Variants in GNAI3 observed in about 807,000 individuals in gnomAD.
The protein encoded by GNAI3 is guanine nucleotide-binding protein G(i) subunit alpha-3.
Under a neutral mutation model 41.8 loss-of-function variants are expected in GNAI3, and 12 were observed. The ratio of observed to expected loss-of-function variants is 0.29; its 90% CI spans 0.18 to 0.47. The LOEUF (loss-of-function observed/expected upper bound fraction) is 0.47, where lower values mean the gene tolerates loss of function less well. Among genes scored for constraint, GNAI3 ranks in the 20% least tolerant of loss-of-function variants. The pLI, the probability that GNAI3 is intolerant of heterozygous loss-of-function variation, is 1.00. For synonymous variants in GNAI3, 132 were observed against 146.5 expected, an observed-to-expected ratio of 0.90 and a Z score of 0.71; for missense variants, 360 against 429.6, an observed-to-expected ratio of 0.84 and a Z score of 1.43.
intron 1 of GNAI3, among the ~76,000 whole-genome samples, chr1:109,572,171 G>A (rs1293995698): frequency 6.6e-6 from 1 of 151,876 alleles, no homozygotes; most frequent in Non-Finnish European, 1.5e-5. Flanking sequence ...TCAGCTGGGT[G>A]TTGTGGCAGG....
intron 1 of GNAI3, among the ~76,000 whole-genome samples, chr1:109,555,162 C>T (rs1461708084): frequency 3.9e-5 from 6 of 152,116 alleles, no homozygotes; most frequent in Non-Finnish European, 8.8e-5. Context: ...CATCATTCTT[C>T]ACAGAACTAG....
At chr1:109,588,403 G>T (rs1031423079) in intron 7 of GNAI3, among the ~76,000 whole-genome samples, 2 of 151,860 alleles carry the variant, frequency 1.3e-5, no homozygotes, top group African/African-American at 4.8e-5. Flanking sequence ...GACTGGGATT[G>T]CTTGGCCTTG....
intron 7 of GNAI3, 37 bp from the exon 8 acceptor site, chr1:109,592,006 T>TA: frequency 2.1e-6 from 3 of 1,422,088 alleles, no homozygotes; most frequent in East Asian, 2.3e-5. Flanking sequence ...AGGCAGCTGT[T>TA]ACAATTTGAA....
At chr1:109,578,678 T>C (rs1483082880) in intron 3 of GNAI3, among the ~76,000 whole-genome samples, 3 of 152,194 alleles carry the variant, frequency 2.0e-5, no homozygotes, top group Non-Finnish European at 4.4e-5. Context: ...AGACCTTAAG[T>C]GCCTCCATCT....
chr1:109,589,078 C>T (rs769130946), intron 7 of GNAI3, among the ~76,000 whole-genome samples: 2 of 151,954 alleles, frequency 1.3e-5, no homozygotes, highest in African/African-American at 2.4e-5. Context: ...CAGTTATATT[C>T]GAGGTTGAGG....
At position 109,579,372 on chromosome 1, in the gene GNAI3, T is replaced by G. The variant is rs766701843; in HGVS notation, c.461+11T>G. ...TGATTCTGCTTCATAGTAAGTAATT[T>G]TTCTCTGTGAAACTATAACAGAGAA... On this transcript the variant is annotated intron_variant, in intron 4 of 8. Transcript: ENST00000369851. 6 of 1,600,930 alleles carry G rather than the reference T, an allele frequency of 3.7e-6. No individual in the cohort carries two copies. Among genetic ancestry groups the G allele is most frequent in the Non-Finnish European group, 5.1e-6 (6 of 1,170,664 alleles).
chr1:109,558,502 C>T (rs72703295), intron 1 of GNAI3, among the ~76,000 whole-genome samples: 10,751 of 152,156 alleles, frequency 0.071, 419 homozygotes, highest in Non-Finnish European at 0.097. Flanking sequence ...TCAACACATT[C>T]AACTCAGAAT....
intron 5 of GNAI3, among the ~76,000 whole-genome samples, chr1:109,585,512 T>G (rs1649014188): frequency 6.6e-6 from 1 of 152,174 alleles, no homozygotes; most frequent in Admixed American, 6.5e-5. Context: ...AATTTATTTG[T>G]TTTTACAATT....
At chr1:109,571,823 C>G (rs1648610614) in intron 1 of GNAI3, among the ~76,000 whole-genome samples, 1 of 152,074 alleles carries the variant, frequency 6.6e-6, no homozygotes, top group Non-Finnish European at 1.5e-5. Context: ...GAGGCTGAGG[C>G]AGGAGAATCA....
chr1:109,576,265 C>T (rs763230670), intron 3 of GNAI3, among the ~76,000 whole-genome samples: 4 of 152,034 alleles, frequency 2.6e-5, no homozygotes, highest in Middle Eastern at 3.4e-3. Context: ...GATGGGGTTT[C>T]GTCATGTTGG....
intron 1 of GNAI3, among the ~76,000 whole-genome samples, chr1:109,564,441 C>CT (rs926813256): frequency 6.6e-6 from 1 of 151,972 alleles, no homozygotes; most frequent in Admixed American, 6.6e-5. Context: ...CTTGATGTCT[C>CT]TTTTTTTGTG....
chr1:109,577,828 G>C (rs955599703), intron 3 of GNAI3, among the ~76,000 whole-genome samples: 12 of 152,184 alleles, frequency 7.9e-5, no homozygotes, highest in African/African-American at 2.9e-4. Flanking sequence ...TAATTCACAA[G>C]TCTTTGGAGT....
In GNAI3 at chr1:109,596,855, C is replaced by G. The variant is rs1444826550; in HGVS notation, c.*4533C>G. 3 of 152,192 alleles carry G rather than the reference C, an allele frequency of 2.0e-5. No individual in the cohort carries two copies. Among genetic ancestry groups the G allele is most frequent in the Non-Finnish European group, 4.4e-5 (3 of 68,042 alleles). 9.4% of individuals were successfully genotyped at this position (152,192 alleles called of 1,614,324 possible). On this transcript the variant is annotated 3_prime_UTR_variant, in exon 9 of 9. Transcript: ENST00000369851. ...CATGGGAATATACATGTTTTTAATA[C>G]ATTCCTTAGGTGATTTTGATGTAGC...
At chr1:109,561,985 G>A (rs1392203831) in intron 1 of GNAI3, among the ~76,000 whole-genome samples, 4 of 152,084 alleles carry the variant, frequency 2.6e-5, no homozygotes. Context: ...ATGAAGGGTT[G>A]GTACAGGAAG....
intron 1 of GNAI3, among the ~76,000 whole-genome samples, chr1:109,562,999 C>T (rs1169708068): frequency 2.0e-5 from 3 of 152,066 alleles, no homozygotes; most frequent in Admixed American, 1.3e-4. Flanking sequence ...ATATAGTTTT[C>T]AGTCATGTCA....
intron 1 of GNAI3, among the ~76,000 whole-genome samples, chr1:109,567,741 T>G (rs1648493686): frequency 6.6e-6 from 1 of 152,218 alleles, no homozygotes; most frequent in Non-Finnish European, 1.5e-5. Flanking sequence ...CTTGGTGATA[T>G]TCTCAACATT....
intron 1 of GNAI3, among the ~76,000 whole-genome samples, chr1:109,569,432 A>G (rs1648536153): frequency 6.6e-6 from 1 of 152,230 alleles, no homozygotes; most frequent in African/African-American, 2.4e-5. Flanking sequence ...TTGAAAAAAG[A>G]TAGATAAAAG....
In GNAI3 at chr1:109,594,247, A is replaced by T. The variant is rs1363555634; in HGVS notation, c.*1925A>T. On this transcript the variant is annotated 3_prime_UTR_variant, in exon 9 of 9. Transcript: ENST00000369851. ...TCTGTAATATAGGATCCTGGAAATGAGACCTGGTGGAATATTATTTTCAAC... is the reference window on the plus strand; with the variant it reads ...TCTGTAATATAGGATCCTGGAAATGTGACCTGGTGGAATATTATTTTCAAC... 1 of 152,196 alleles carries T rather than the reference A, an allele frequency of 6.6e-6. No homozygotes were observed. The highest frequency in any genetic ancestry group is 1.5e-5 in the Non-Finnish European group (1 of 68,034). The allele number at this position is 152,196 out of a possible 1,614,324, so 9.4% of individuals were successfully genotyped here. A position where few individuals can be genotyped will look rare whatever the true frequency, so the allele number is the denominator to read the frequency against.
rs983825620 is a variant in GNAI3 at position 109,599,781 on chromosome 1, G to T, written c.*7459G>T. ...GGAGGTGGTTTTGTTAAATGTCCAC[G>T]ATTTAGAGACGGCATAATGAAAAAA... On this transcript the variant is annotated 3_prime_UTR_variant, in exon 9 of 9. Coordinates refer to ENST00000369851, the MANE Select transcript of GNAI3 (RefSeq NM_006496.4). 2.0e-5 allele frequency: 3 copies of T among 152,246 alleles called. No homozygotes were observed. The highest frequency in any genetic ancestry group is 7.2e-5 in the African/African-American group (3 of 41,542). The allele number at this position is 152,246 out of a possible 1,614,324, so 9.4% of individuals were successfully genotyped here.
Sources: allele counts gnomAD v4.1 joint callset (sites outside exome capture counted in the v4.1 genomes callset), GRCh38; gene constraint gnomAD v4.1.1; transcripts MANE v1.5; gene names NCBI Gene and HGNC (gene_info 2026-07-23, HGNC 2026-07-21).